ICA1L: variants seen among roughly 807,000 people sequenced by gnomAD.
The protein encoded by ICA1L is islet cell autoantigen 1-like protein.
Under a neutral mutation model 61.3 loss-of-function variants are expected in ICA1L, and 50 were observed. The observed-to-expected ratio is 0.82, with a 90% CI of 0.65 to 1.03. The LOEUF is 1.03. ICA1L is among the 50% of genes least tolerant of loss of function. The probability of loss-of-function intolerance (pLI) is 0.00; values close to 1 mark genes in which losing one functional copy is unlikely to be tolerated. For synonymous variants in ICA1L, 161 were observed against 191.3 expected (o/e 0.84, Z 1.31); for missense variants, 508 against 556.7 (o/e 0.91, Z 0.88).
At chr2:202,836,530 A>G (rs1183463360) in intron 1 of ICA1L, among the ~76,000 whole-genome samples, 1 of 152,026 alleles carries the variant, frequency 6.6e-6, no homozygotes, top group Non-Finnish European at 1.5e-5. Flanking sequence ...ATTAGTTTGG[A>G]AGATCTCCTT....
intron 1 of ICA1L, among the ~76,000 whole-genome samples, chr2:202,856,074 A>AG (rs1420205936): frequency 9.9e-6 from 1 of 101,510 alleles, no homozygotes; most frequent in Admixed American, 1.0e-4. Flanking sequence ...CTCCGTCTCA[A>AG]GAAAAAAAAA....
intron 1 of ICA1L, among the ~76,000 whole-genome samples, chr2:202,850,704 G>C (rs924042718): frequency 6.6e-6 from 1 of 152,174 alleles, no homozygotes; most frequent in Non-Finnish European, 1.5e-5. Context: ...AACCAAGTTG[G>C]AAAACACAGT....
intron 1 of ICA1L, among the ~76,000 whole-genome samples, chr2:202,868,001 A>C (rs1260383462): frequency 6.6e-6 from 1 of 152,206 alleles, no homozygotes; most frequent in Non-Finnish European, 1.5e-5. Context: ...ACCACTCAGC[A>C]ACAGAAAAAC....
chr2:202,865,244 G>A (rs187568793), intron 1 of ICA1L, among the ~76,000 whole-genome samples: 13 of 151,904 alleles, frequency 8.6e-5, no homozygotes, highest in African/African-American at 2.2e-4. Context: ...CGAGGCGGGC[G>A]GGTCACTTGA....
intron 1 of ICA1L, chr2:202,841,470 G>A: frequency 1.1e-6 from 1 of 899,478 alleles, no homozygotes; most frequent in Non-Finnish European, 1.8e-6. Flanking sequence ...TGTCTATGGA[G>A]GAGGCAAATT....
At chr2:202,852,671 CAAAAAAA>C (rs574400027) in intron 1 of ICA1L, among the ~76,000 whole-genome samples, 15 of 42,194 alleles carry the variant, frequency 3.6e-4, no homozygotes, top group African/African-American at 1.5e-3. Flanking sequence ...GACTCTGTCT[CAAAAAAA>C]AAAAAAAAAA....
intron 12 of ICA1L, 112 bp from the exon 13 acceptor site, chr2:202,779,760 G>T: frequency 1.7e-6 from 1 of 603,452 alleles, no homozygotes; most frequent in Non-Finnish European, 2.9e-6. Context: ...AAAAAATTAA[G>T]ATAACTGACA....
At chr2:202,841,277 C>T (rs1233296596) in intron 1 of ICA1L, 6 of 739,188 alleles carry the variant, frequency 8.1e-6, no homozygotes, top group Middle Eastern at 3.7e-4. Flanking sequence ...CCAGCCCTGG[C>T]ATGTTGCCAA....
chr2:202,819,966 A>G, intron 4 of ICA1L, 67 bp from the exon 5 acceptor site: 7 of 1,188,124 alleles, frequency 5.9e-6, no homozygotes, highest in Non-Finnish European at 8.5e-6. Flanking sequence ...AAAGGTTTAA[A>G]CCAATGAAAA....
rs1692154358 is a variant in ICA1L, at chr2:202,774,418, C to T, written c.*5115G>A. 3 of 870,472 alleles carry T rather than the reference C, an allele frequency of 3.4e-6. No individual in the cohort carries two copies. Among genetic ancestry groups the T allele is most frequent in the Non-Finnish European group, 4.7e-6 (3 of 632,842 alleles). 53.9% of individuals were successfully genotyped at this position (870,472 alleles called of 1,614,324 possible). Reference sequence around the variant, plus strand: ...GCGCCTCCAACAGCCAGGGTCGAGCCCCTGGCTCCCCGTTCGTCCAGGCCA... The same window carrying T: ...GCGCCTCCAACAGCCAGGGTCGAGCTCCTGGCTCCCCGTTCGTCCAGGCCA... On this transcript the variant is annotated 3_prime_UTR_variant, in exon 13 of 13. Transcript: ENST00000358299.
intron 11 of ICA1L, 26 bp from the exon 12 acceptor site, chr2:202,786,033 C>T: frequency 7.5e-7 from 1 of 1,341,146 alleles, no homozygotes; most frequent in South Asian, 1.2e-5. Flanking sequence ...TAAAAATTGT[C>T]CATTGTTAAT....
At chr2:202,801,275 G>C (rs755543105) in intron 9 of ICA1L, among the ~76,000 whole-genome samples, 1 of 152,200 alleles carries the variant, frequency 6.6e-6, no homozygotes, top group Non-Finnish European at 1.5e-5. Flanking sequence ...GACATTTTCA[G>C]TAATGATCTG....
At position 202,825,697 on chromosome 2, in the gene ICA1L, T is replaced by C. The variant is rs1471342044; in HGVS notation, c.233A>G (p.Asn78Ser). The change falls in exon 3 of 13, where the codon AAT (asparagine) becomes AGT (serine). Residue 78 changes from asparagine to serine, a missense_variant and splice_region_variant. Transcript: ENST00000358299. ...KIIEKYQLRL[N>S]VISEEENELG... The stretch of plus-strand genomic sequence containing the variant: ...GATAGATAACTATGATTTCATACCA[T>C]TGAGTCTTAGCTGGTATTTCTCGAT... 2.0e-6 allele frequency: 3 copies of C among 1,479,978 alleles called. No individual in the cohort carries two copies. The highest frequency in any genetic ancestry group is 1.4e-5 in the African/African-American group (1 of 71,970). The allele number at this position is 1,479,978 out of a possible 1,614,324, so 91.7% of individuals were successfully genotyped here.
chr2:202,784,796 T>C (rs1056461038), intron 12 of ICA1L, among the ~76,000 whole-genome samples: 1 of 152,142 alleles, frequency 6.6e-6, no homozygotes, highest in African/African-American at 2.4e-5. Context: ...AGAATGGTGG[T>C]TACCGGGGAC....
At chr2:202,830,997 G>C (rs1422478277) in intron 1 of ICA1L, among the ~76,000 whole-genome samples, 1 of 152,070 alleles carries the variant, frequency 6.6e-6, no homozygotes, top group Non-Finnish European at 1.5e-5. Context: ...TAAAAATAAA[G>C]ATATGAGTTA....
chr2:202,793,871 A>C lies in ICA1L; in HGVS notation c.985+3019T>G, dbSNP rs1021825267. On this transcript the variant is annotated intron_variant, in intron 10 of 12. Transcript: ENST00000358299. ...CATGGTGGCGTGCACCTGTAATCCC[A>C]GCTACTTGGGAGGCTGAGGCAGGAG... Among the ~76,000 whole-genome samples, 3 of 151,914 alleles carry C rather than the reference A, an allele frequency of 2.0e-5. No homozygotes were observed. In the South Asian group the frequency reaches 6.2e-4, roughly 32 times the overall value.
intron 9 of ICA1L, among the ~76,000 whole-genome samples, chr2:202,803,113 A>G (rs967760040): frequency 2.6e-5 from 4 of 152,184 alleles, no homozygotes; most frequent in Admixed American, 6.5e-5. Context: ...CTCAGTTATA[A>G]GGACATGGTG....
intron 1 of ICA1L, among the ~76,000 whole-genome samples, chr2:202,840,055 TA>T (rs1225032113): frequency 1.3e-5 from 2 of 149,416 alleles, no homozygotes; most frequent in African/African-American, 2.4e-5. Context: ...CCATTATTAT[TA>T]TTTTTTTTAA....
At chr2:202,795,976 A>G (rs1692914138) in intron 10 of ICA1L, among the ~76,000 whole-genome samples, 1 of 151,906 alleles carries the variant, frequency 6.6e-6, no homozygotes, top group Non-Finnish European at 1.5e-5. Flanking sequence ...CCAGGAGGCA[A>G]AAGTTGCAGT....
Sources: gnomAD v4.1 joint callset for allele counts (sites outside exome capture counted in the v4.1 genomes callset) on GRCh38, gnomAD v4.1.1 for gene constraint, MANE v1.5 for transcripts, NCBI Gene and HGNC (gene_info 2026-07-23, HGNC 2026-07-21) for gene names.